RNF115: variants seen among roughly 807,000 people sequenced by gnomAD.
RNF115 encodes ring finger protein 115.
In RNF115, 31 loss-of-function variants were observed where a neutral mutation model predicts 39.2. The ratio of observed to expected loss-of-function variants is 0.79; its 90% CI spans 0.59 to 1.07. The LOEUF is 1.07. RNF115 is among the 50% of genes least tolerant of loss of function. The pLI is 0.00. For missense variants in RNF115, 384 were observed against 381.7 expected, an observed-to-expected ratio of 1.01 and a Z score of -0.05; for synonymous variants, 124 against 131.0, an observed-to-expected ratio of 0.95 and a Z score of 0.37.
At chr1:145,789,228 G>A (rs1488324454) in intron 1 of RNF115, among the ~76,000 whole-genome samples, 4 of 151,846 alleles carry the variant, frequency 2.6e-5, no homozygotes, top group Admixed American at 2.6e-4. Context: ...TTAGCCTTCA[G>A]AGTAGCTAGG....
chr1:145,773,166 T>G (rs587753848), intron 3 of RNF115: 11 of 152,340 alleles, frequency 7.2e-5, no homozygotes, highest in African/African-American at 2.6e-4. Flanking sequence ...TTAAGACAGC[T>G]GATTTAAAGT....
intron 1 of RNF115, among the ~76,000 whole-genome samples, chr1:145,800,578 A>G (rs1183435789): frequency 2.0e-5 from 3 of 152,156 alleles, no homozygotes; most frequent in Non-Finnish European, 4.4e-5. Flanking sequence ...GAGCAGCCAC[A>G]TAAGTTTAGA....
intron 1 of RNF115, among the ~76,000 whole-genome samples, 157 bp downstream of exon 1, chr1:145,823,615 C>T (rs1311491220): frequency 1.3e-5 from 2 of 152,162 alleles, no homozygotes; most frequent in Non-Finnish European, 2.9e-5. Flanking sequence ...CCGTGATGCC[C>T]AGGGTTTAGG....
intron 4 of RNF115, among the ~76,000 whole-genome samples, chr1:145,753,912 A>C (rs1400098015): frequency 6.6e-6 from 1 of 152,126 alleles, no homozygotes; most frequent in African/African-American, 2.4e-5. Context: ...GATTTAGTAG[A>C]GATGGGGTTT....
At chr1:145,776,090 A>AG (rs11374256) in intron 3 of RNF115, among the ~76,000 whole-genome samples, 10,798 of 147,394 alleles carry the variant, frequency 0.073, 1,376 homozygotes, top group African/African-American at 0.26. Flanking sequence ...CCACAGGGTA[A>AG]GGGGGGGGCT....
intron 1 of RNF115, among the ~76,000 whole-genome samples, chr1:145,814,706 T>C (rs1306139306): frequency 7.2e-5 from 11 of 152,182 alleles, no homozygotes; most frequent in Non-Finnish European, 1.5e-4. Context: ...ATTTTTTTCT[T>C]CCTTATACTG....
At chr1:145,804,135 A>C (rs1553721275) in intron 1 of RNF115, among the ~76,000 whole-genome samples, 1 of 152,206 alleles carries the variant, frequency 6.6e-6, no homozygotes, top group Non-Finnish European at 1.5e-5. Context: ...TTCTTTGACA[A>C]AGTGACAACA....
intron 3 of RNF115, among the ~76,000 whole-genome samples, chr1:145,774,560 A>G (rs1647793040): frequency 6.6e-6 from 1 of 152,104 alleles, no homozygotes; most frequent in African/African-American, 2.4e-5. Context: ...CATGTTGGCC[A>G]GGCTGGTCTC....
At chr1:145,766,531 T>C (rs1647281523) in intron 4 of RNF115, among the ~76,000 whole-genome samples, 1 of 150,764 alleles carries the variant, frequency 6.6e-6, no homozygotes, top group Non-Finnish European at 1.5e-5. Context: ...GACGGGGTGG[T>C]GGCCGGGCAG....
At chr1:145,767,631 G>A (rs1228446560) in intron 4 of RNF115, among the ~76,000 whole-genome samples, 1 of 152,208 alleles carries the variant, frequency 6.6e-6, no homozygotes, top group African/African-American at 2.4e-5. Context: ...CAGCTGGGAG[G>A]TGGAGGTTGT....
Position 145,741,006 on chromosome 1 carries a change from T to G in RNF115, c.*5860A>C, listed in dbSNP as rs1657677712. 1 of 152,130 alleles carries G rather than the reference T, an allele frequency of 6.6e-6. No individual in the cohort carries two copies. The highest frequency in any genetic ancestry group is 6.5e-5 in the Admixed American group (1 of 15,268). 9.4% of individuals were successfully genotyped at this position (152,130 alleles called of 1,614,324 possible). On this transcript the variant is annotated 3_prime_UTR_variant, in exon 9 of 9. Coordinates refer to ENST00000582693, the MANE Select transcript of RNF115 (RefSeq NM_014455.4). ...GTGCATGCCACCACACCTGGCTAATTTTTGTATTTTTAGTAGACATGGTGT... is the reference window on the plus strand; with the variant it reads ...GTGCATGCCACCACACCTGGCTAATGTTTGTATTTTTAGTAGACATGGTGT...
At chr1:145,798,958 G>A (rs1553720463) in intron 1 of RNF115, among the ~76,000 whole-genome samples, 1 of 151,596 alleles carries the variant, frequency 6.6e-6, no homozygotes, top group Non-Finnish European at 1.5e-5. Context: ...TTTTCAAGTT[G>A]TTCACTGTGT....
At chr1:145,800,064 T>C (rs1271751270) in intron 1 of RNF115, among the ~76,000 whole-genome samples, 1 of 152,224 alleles carries the variant, frequency 6.6e-6, no homozygotes, top group Non-Finnish European at 1.5e-5. Flanking sequence ...CTCTTTACTT[T>C]GATGTGTTTG....
At chr1:145,804,211 G>C (rs1182333173) in intron 1 of RNF115, among the ~76,000 whole-genome samples, 1 of 152,118 alleles carries the variant, frequency 6.6e-6, no homozygotes, top group Non-Finnish European at 1.5e-5. Flanking sequence ...AAAATAACCT[G>C]GGATTAAAAG....
At chr1:145,752,708 C>G (rs1039620697) in intron 5 of RNF115, among the ~76,000 whole-genome samples, 1 of 151,200 alleles carries the variant, frequency 6.6e-6, no homozygotes, top group Non-Finnish European at 1.5e-5. Flanking sequence ...CCTGCCTCAG[C>G]CTCCGAGTAG....
In RNF115 at chr1:145,758,562, T is replaced by C. The variant is rs181116161; in HGVS notation, c.429-5513A>G. On this transcript the variant is annotated intron_variant, in intron 4 of 8. Transcript: ENST00000582693. ...GTGTTACACAGCAATAGGTAACTAA[T>C]ATATACCCACCTATTTGTCAGTGAC... 2.3e-3 allele frequency among the ~76,000 whole-genome samples: 349 copies of C among 152,362 alleles called. 1 individual carries two copies. The highest frequency in any genetic ancestry group is 8.0e-3 in the African/African-American group (334 of 41,590).
chr1:145,757,949 TAGA>T (rs587628277), intron 4 of RNF115, among the ~76,000 whole-genome samples: 41 of 152,338 alleles, frequency 2.7e-4, no homozygotes, highest in African/African-American at 8.4e-4. Flanking sequence ...GCTGATGCTA[TAGA>T]AGAAGGAGAC....
rs782426232 is a variant in RNF115, at chr1:145,787,694, C to A, written c.161+1214G>T. Among the ~76,000 whole-genome samples, 3 of 152,010 alleles carry A rather than the reference C, an allele frequency of 2.0e-5. No individual in the cohort carries two copies. In the South Asian group the frequency reaches 6.2e-4, roughly 32 times the overall value. On this transcript the variant is annotated intron_variant, in intron 2 of 8. Coordinates refer to ENST00000582693, the MANE Select transcript of RNF115 (RefSeq NM_014455.4). ...TTGAGGTCAGGAGTTCAAGACCAGC[C>A]TGGCCAACACGGCAAAACCCCATCT...
At chr1:145,781,684 A>G (rs1426996796) in intron 3 of RNF115, among the ~76,000 whole-genome samples, 1 of 152,270 alleles carries the variant, frequency 6.6e-6, no homozygotes, top group East Asian at 1.9e-4. Flanking sequence ...CAAGGACAAG[A>G]GAGGCACTGA....
Sources: gnomAD v4.1 joint callset for allele counts (sites outside exome capture counted in the v4.1 genomes callset) on GRCh38, gnomAD v4.1.1 for gene constraint, MANE v1.5 for transcripts, NCBI Gene and HGNC (gene_info 2026-07-23, HGNC 2026-07-21) for gene names.